Variants in WDR12 observed in about 807,000 individuals in gnomAD.
WDR12 encodes the protein WD repeat domain 12, also known as ribosome biogenesis protein WDR12.
WDR12 carries 42 observed loss-of-function variants against 64.3 expected under a neutral mutation model. That is an observed-to-expected ratio of 0.65 (90% confidence interval 0.51 to 0.84). The LOEUF (loss-of-function observed/expected upper bound fraction) is 0.84, where lower values mean the gene tolerates loss of function less well. WDR12 is among the 40% of genes least tolerant of loss of function. The pLI, the probability that WDR12 is intolerant of heterozygous loss-of-function variation, is 0.00. For synonymous variants in WDR12, 158 were observed against 173.3 expected, an observed-to-expected ratio of 0.91 and a Z score of 0.70; for missense variants, 469 against 494.6, an observed-to-expected ratio of 0.95 and a Z score of 0.49.
chr2:202,879,152 T>A lies in WDR12; in HGVS notation c.*1708A>T, dbSNP rs926477561. 6.6e-6 allele frequency: 1 copy of A among 151,894 alleles called. No individual in the cohort carries two copies. Among genetic ancestry groups the A allele is most frequent in the Admixed American group, 6.6e-5 (1 of 15,230 alleles). The allele number at this position is 151,894 out of a possible 1,614,324, so 9.4% of individuals were successfully genotyped here. ...TTCAAGCAATTTGCCTGCCTCAGCCTCCGGAGTAGCTGGGACTACAGGCAC... is the reference window on the plus strand; with the variant it reads ...TTCAAGCAATTTGCCTGCCTCAGCCACCGGAGTAGCTGGGACTACAGGCAC... On this transcript the variant is annotated 3_prime_UTR_variant, in exon 13 of 13. Transcript: ENST00000261015.
Position 202,897,386 on chromosome 2 carries a change from G to A in WDR12, c.368C>T (p.Ser123Phe). 6.3e-7 allele frequency: 1 copy of A among 1,589,862 alleles called. No homozygotes were observed. Reference protein sequence around the residue: ...WILTGSYDKTSRIWSLEGKSI... With the variant: ...WILTGSYDKTFRIWSLEGKSI... ...CTTTCCTTCCAAGGACCAGATCCGA[G>A]AAGTCTTATCATAAGAACCAGTCAA... The change falls in exon 5 of 13, where the codon TCT becomes TTT. Residue 123 changes from serine (S) to phenylalanine (F), a missense_variant. Ser to Phe is a radical substitution (Grantham distance 155). Coordinates refer to ENST00000261015, the MANE Select transcript of WDR12 (RefSeq NM_018256.4).
rs540324036 is a variant in WDR12 at position 202,880,935 on chromosome 2, T to C, written c.1197A>G (p.Leu399=). The change falls in exon 13 of 13, where the codon CTA becomes CTG. Residue 399 remains leucine, a splice_region_variant and synonymous_variant. Transcript: ENST00000261015. ...TATTGTCTGCTCCTCCACTCAGAAG[T>C]AGCTGTGTAAAAGGAGAGAAAAAGA... ...VLSVDWTDTG[L]LLSGGADNKL... 4.4e-6 allele frequency: 7 copies of C among 1,606,352 alleles called. No homozygotes were observed. The highest frequency in any genetic ancestry group is 2.2e-5 in the East Asian group (1 of 44,530).
intron 4 of WDR12, among the ~76,000 whole-genome samples, chr2:202,897,960 T>C (rs1688282384): frequency 7.0e-6 from 1 of 142,210 alleles, no homozygotes; most frequent in Non-Finnish European, 1.5e-5. Flanking sequence ...TAGTATAAAA[T>C]TACTTTCAGG....
At chr2:202,896,357 T>A in intron 5 of WDR12, 138 bp from the exon 6 acceptor site, 1 of 931,014 alleles carries the variant, frequency 1.1e-6, no homozygotes, top group Non-Finnish European at 1.6e-6. Flanking sequence ...GGCCAGGTTT[T>A]AAAAGGCTGA....
At chr2:202,894,436 G>A in intron 7 of WDR12, 145 bp downstream of exon 7, 1 of 608,336 alleles carries the variant, frequency 1.6e-6, no homozygotes, top group Non-Finnish European at 2.8e-6. Flanking sequence ...GGCCTAGGCT[G>A]CTCTTGAACT....
chr2:202,900,992 A>T, intron 3 of WDR12, 33 bp downstream of exon 3: 2 of 1,527,090 alleles, frequency 1.3e-6, no homozygotes, highest in Non-Finnish European at 1.8e-6. Flanking sequence ...TAATGCCTCA[A>T]GTGAAATACA....
Position 202,899,528 on chromosome 2 carries a change from T to C in WDR12, c.338+3A>G, listed in dbSNP as rs774953679. On this transcript the variant is annotated splice_donor_region_variant and intron_variant, in intron 4 of 12. Transcript: ENST00000261015. ...AAAGAGAAGGGCATTAATCTGGCAA[T>C]ACCATTCCTCTGCCCCTTTAATTGA... The C allele has an allele frequency of 1.2e-6, 2 of 1,612,908 alleles. No homozygotes were observed. The highest frequency in any genetic ancestry group is 2.2e-5 in the East Asian group (1 of 44,858).
chr2:202,897,900 A>T (rs1296183622), intron 4 of WDR12, among the ~76,000 whole-genome samples: 3 of 43,976 alleles, frequency 6.8e-5, no homozygotes, highest in East Asian at 4.7e-4. Flanking sequence ...AAAAAAAAAA[A>T]AAAAAAAAAT....
intron 5 of WDR12, among the ~76,000 whole-genome samples, chr2:202,896,758 GC>G (rs1688249581): frequency 6.6e-6 from 1 of 151,948 alleles, no homozygotes. Flanking sequence ...GGAGGCCAAG[GC>G]GGGTGGATCA....
Position 202,878,751 on chromosome 2 carries a change from GTAATACCATCTAA to G in WDR12, c.*2096_*2108del, listed in dbSNP as rs1462705369. On this transcript the variant is annotated 3_prime_UTR_variant, in exon 13 of 13. Transcript: ENST00000261015. ...CTGCAACAGGAACATCATTTGAGAT[GTAATACCATCTAA>G]TAATGAGACCAAACATATTTCCCAA... is the stretch of plus-strand genomic sequence containing the variant. 1.3e-5 allele frequency: 2 copies of G among 152,166 alleles called. No homozygotes were observed. The highest frequency in any genetic ancestry group is 4.8e-5 in the African/African-American group (2 of 41,432). The allele number at this position is 152,166 out of a possible 1,614,324, so 9.4% of individuals were successfully genotyped here. A position where few individuals can be genotyped will look rare whatever the true frequency, so the allele number is the denominator to read the frequency against.
chr2:202,906,259 ATC>A (rs751418214), intron 2 of WDR12, among the ~76,000 whole-genome samples: 1 of 152,200 alleles, frequency 6.6e-6, no homozygotes, highest in African/African-American at 2.4e-5. Flanking sequence ...ATGCATCAGA[ATC>A]TCTATATATC....
At chr2:202,891,151 G>A (rs556537591) in intron 8 of WDR12, among the ~76,000 whole-genome samples, 1 of 152,172 alleles carries the variant, frequency 6.6e-6, no homozygotes, top group South Asian at 2.1e-4. Context: ...ATATCCAAAT[G>A]GTAAGGCATT....
At position 202,899,580 on chromosome 2, in the gene WDR12, A is replaced by G. The variant is rs530685616; in HGVS notation, c.289T>C (p.Cys97Arg). The G allele has an allele frequency of 1.2e-6, 2 of 1,614,050 alleles. No homozygotes were observed. The highest frequency in any genetic ancestry group is 1.7e-6 in the Non-Finnish European group (2 of 1,180,034). ...CTGATCCAGTCATCATGGAACATGCATTGCTCTGGCTGGGGTGCAGTATAC... is the reference window on the plus strand; with the variant it reads ...CTGATCCAGTCATCATGGAACATGCGTTGCTCTGGCTGGGGTGCAGTATAC... ...EKYTAPQPEQ[C>R]MFHDDWISSI... The change falls in exon 4 of 13, where the codon TGC (cysteine) becomes CGC (arginine). Residue 97 changes from cysteine to arginine, a missense_variant. Coordinates refer to ENST00000261015, the MANE Select transcript of WDR12 (RefSeq NM_018256.4).
intron 8 of WDR12, among the ~76,000 whole-genome samples, chr2:202,890,461 T>C (rs1039892799): frequency 6.6e-6 from 1 of 152,138 alleles, no homozygotes; most frequent in South Asian, 2.1e-4. Flanking sequence ...TACTTGAGTA[T>C]ACATATTTAT....
chr2:202,878,300 G>A lies in WDR12; in HGVS notation c.*2560C>T, dbSNP rs1021083427. ...AGCCTAGGTTGGGTGAGTTAAGAAAGACATTTTAAATAACTGCCCTTAAGG... is the reference window on the plus strand; with the variant it reads ...AGCCTAGGTTGGGTGAGTTAAGAAAAACATTTTAAATAACTGCCCTTAAGG... On this transcript the variant is annotated 3_prime_UTR_variant, in exon 13 of 13. Coordinates refer to ENST00000261015, the MANE Select transcript of WDR12 (RefSeq NM_018256.4). 6.6e-6 allele frequency: 1 copy of A among 152,130 alleles called. No individual in the cohort carries two copies. The highest frequency in any genetic ancestry group is 6.5e-5 in the Admixed American group (1 of 15,274). The allele number at this position is 152,130 out of a possible 1,614,324, so 9.4% of individuals were successfully genotyped here. A position where few individuals can be genotyped will look rare whatever the true frequency, so the allele number is the denominator to read the frequency against.
chr2:202,909,478 G>C (rs1022551506), intron 1 of WDR12, among the ~76,000 whole-genome samples: 1 of 152,132 alleles, frequency 6.6e-6, no homozygotes, highest in Non-Finnish European at 1.5e-5. Flanking sequence ...ACGTCCAGAA[G>C]AGAGAAAGTT....
At chr2:202,890,899 T>C (rs56278882) in intron 8 of WDR12, among the ~76,000 whole-genome samples, 8,128 of 143,832 alleles carry the variant, frequency 0.057, 301 homozygotes, top group Non-Finnish European at 0.086. Flanking sequence ...GAGGTGGAGG[T>C]GGGAGGATCA....
intron 12 of WDR12, 24 bp from the exon 13 acceptor site, chr2:202,880,961 C>A: frequency 1.3e-6 from 2 of 1,553,328 alleles, no homozygotes; most frequent in Admixed American, 1.8e-5. Flanking sequence ...GAGAAAAAGA[C>A]AAGAAAACAT....
chr2:202,905,991 T>A (rs1255178416), intron 2 of WDR12, among the ~76,000 whole-genome samples: 1 of 152,184 alleles, frequency 6.6e-6, no homozygotes, highest in Non-Finnish European at 1.5e-5. Flanking sequence ...AGTCAATAAT[T>A]TAATTATACA....
Sources: gnomAD v4.1 joint callset for allele counts (sites outside exome capture counted in the v4.1 genomes callset) on GRCh38, gnomAD v4.1.1 for gene constraint, MANE v1.5 for transcripts, NCBI Gene and HGNC (gene_info 2026-07-23, HGNC 2026-07-21) for gene names.